Variants in TMOD2 observed in about 807,000 individuals in gnomAD.
The protein encoded by TMOD2 is tropomodulin-2.
Under a neutral mutation model 39.9 loss-of-function variants are expected in TMOD2, and 22 were observed. The observed-to-expected ratio is 0.55, with a 90% CI of 0.39 to 0.79. The LOEUF (loss-of-function observed/expected upper bound fraction) is 0.79. Ranked by LOEUF, TMOD2 falls within the 30% of genes least tolerant of loss-of-function variation. TMOD2 has a pLI of 0.00. For missense variants in TMOD2, 386 were observed against 413.3 expected (o/e 0.93, Z 0.57); for synonymous variants, 123 against 146.1 (o/e 0.84, Z 1.14).
chr15:51,757,722 C>T (rs1464593402), intron 1 of TMOD2, among the ~76,000 whole-genome samples: 1 of 152,134 alleles, frequency 6.6e-6, no homozygotes, highest in African/African-American at 2.4e-5. Flanking sequence ...GCTAACAGGA[C>T]GGAAGACAAA....
At chr15:51,759,548 A>T (rs910488871) in intron 1 of TMOD2, among the ~76,000 whole-genome samples, 3 of 152,216 alleles carry the variant, frequency 2.0e-5, no homozygotes, top group African/African-American at 7.2e-5. Context: ...GACCAAAAAG[A>T]AATGGTCAGA....
Position 51,811,922 on chromosome 15 carries a change from C to T in TMOD2, c.*3468C>T, listed in dbSNP as rs2056159058. 1.3e-5 allele frequency: 2 copies of T among 152,182 alleles called. No homozygotes were observed. The highest frequency in any genetic ancestry group is 4.1e-4 in the South Asian group (2 of 4,830). The allele number at this position is 152,182 out of a possible 1,614,324, so 9.4% of individuals were successfully genotyped here. ...TAGAAATCATTTAGTTGTTCTAGCA[C>T]CAAATCTATCCATTTGCCTAATGTA... On this transcript the variant is annotated 3_prime_UTR_variant, in exon 10 of 10. Coordinates refer to ENST00000249700, the MANE Select transcript of TMOD2 (RefSeq NM_014548.4).
intron 1 of TMOD2, among the ~76,000 whole-genome samples, chr15:51,756,153 G>A (rs927272579): frequency 2.6e-5 from 4 of 152,162 alleles, no homozygotes; most frequent in Non-Finnish European, 4.4e-5. Context: ...GAAACCAAGA[G>A]GCAGGCTGGG....
At chr15:51,788,593 G>A (rs546674606) in intron 7 of TMOD2, among the ~76,000 whole-genome samples, 77 of 152,300 alleles carry the variant, frequency 5.1e-4, no homozygotes, top group Non-Finnish European at 9.3e-4. Flanking sequence ...AGGTTGAAAT[G>A]AAGGAAAAAA....
At chr15:51,759,993 C>G (rs999716925) in intron 1 of TMOD2, among the ~76,000 whole-genome samples, 8 of 152,146 alleles carry the variant, frequency 5.3e-5, no homozygotes, top group East Asian at 1.9e-4. Context: ...GCTAGTGCCC[C>G]CTGTGGGCCA....
rs926616366 is a variant in TMOD2, at chr15:51,813,944, G to C, written c.*5490G>C. ...CATCTTTCTCATCTTTTGGAGTATG[G>C]GTAATTGAGGCTTGGGTGTGTCATC... is the stretch of plus-strand genomic sequence containing the variant. On this transcript the variant is annotated 3_prime_UTR_variant, in exon 10 of 10. Transcript: ENST00000249700. 1.3e-5 allele frequency: 2 copies of C among 152,160 alleles called. No individual in the cohort carries two copies. The highest frequency in any genetic ancestry group is 2.9e-5 in the Non-Finnish European group (2 of 68,038). The allele number at this position is 152,160 out of a possible 1,614,324, so 9.4% of individuals were successfully genotyped here. A position where few individuals can be genotyped will look rare whatever the true frequency, so the allele number is the denominator to read the frequency against.
chr15:51,801,661 C>A (rs564931596), intron 8 of TMOD2, among the ~76,000 whole-genome samples: 1 of 152,072 alleles, frequency 6.6e-6, no homozygotes, highest in Non-Finnish European at 1.5e-5. Context: ...ATGGGAAGAA[C>A]AATCGGTGAT....
At chr15:51,799,908 G>A (rs1007727774) in intron 8 of TMOD2, among the ~76,000 whole-genome samples, 19 of 152,030 alleles carry the variant, frequency 1.2e-4, no homozygotes, top group African/African-American at 4.6e-4. Context: ...CTTTGTTTAC[G>A]GATTTAGGCC....
intron 3 of TMOD2, among the ~76,000 whole-genome samples, chr15:51,772,411 C>T (rs1250904680): frequency 1.3e-5 from 2 of 152,110 alleles, no homozygotes; most frequent in Non-Finnish European, 2.9e-5. Context: ...CCCTGGTGCA[C>T]GTGTGGGATG....
At position 51,810,409 on chromosome 15, in the gene TMOD2, A is replaced by G. The variant is rs2056148593; in HGVS notation, c.*1955A>G. 1 of 152,200 alleles carries G rather than the reference A, an allele frequency of 6.6e-6. No homozygotes were observed. The highest frequency in any genetic ancestry group is 1.5e-5 in the Non-Finnish European group (1 of 68,022). 9.4% of individuals were successfully genotyped at this position (152,200 alleles called of 1,614,324 possible). A position where few individuals can be genotyped will look rare whatever the true frequency, so the allele number is the denominator to read the frequency against. ...ATCTAGTAGGTATGTATGTAGAAATATTACCAAACAGTATGCTACTGAACG... is the reference window on the plus strand; with the variant it reads ...ATCTAGTAGGTATGTATGTAGAAATGTTACCAAACAGTATGCTACTGAACG... On this transcript the variant is annotated 3_prime_UTR_variant, in exon 10 of 10. Coordinates refer to ENST00000249700, the MANE Select transcript of TMOD2 (RefSeq NM_014548.4).
At chr15:51,775,582 T>A in intron 4 of TMOD2, among the ~76,000 whole-genome samples, 1 of 133,900 alleles carries the variant, frequency 7.5e-6, no homozygotes, top group East Asian at 2.1e-4. Context: ...TTTTTTTTTT[T>A]TTTTTTTTTT....
In TMOD2 at chr15:51,787,054, G is replaced by A. The variant is rs1291498631; in HGVS notation, c.732+4226G>A. On this transcript the variant is annotated intron_variant, in intron 7 of 9. Coordinates refer to ENST00000249700, the MANE Select transcript of TMOD2 (RefSeq NM_014548.4). Reference sequence around the variant, plus strand: ...CTCACCCGGGAAGGGGTTGGGGTTGGGGGATTTCCCTTTCCTAGCCAAGAG... The same window carrying A: ...CTCACCCGGGAAGGGGTTGGGGTTGAGGGATTTCCCTTTCCTAGCCAAGAG... Among the ~76,000 whole-genome samples, 6 of 152,318 alleles carry A rather than the reference G, an allele frequency of 3.9e-5. No individual in the cohort carries two copies. In the East Asian group the frequency reaches 7.7e-4, roughly 20 times the overall value.
rs1480832409 is a variant in TMOD2, at chr15:51,814,301, A to G, written c.*5847A>G. ...AATTTTAATGCCTAGCAGCTGAGTA[A>G]CAGGCATTAGTTCTGATAGATAGTG... On this transcript the variant is annotated 3_prime_UTR_variant, in exon 10 of 10. Coordinates refer to ENST00000249700, the MANE Select transcript of TMOD2 (RefSeq NM_014548.4). 1 of 152,280 alleles carries G rather than the reference A, an allele frequency of 6.6e-6. No individual in the cohort carries two copies. Among genetic ancestry groups the G allele is most frequent in the Admixed American group, 6.5e-5 (1 of 15,290 alleles). 9.4% of individuals were successfully genotyped at this position (152,280 alleles called of 1,614,324 possible).
At chr15:51,758,810 G>A (rs966828579) in intron 1 of TMOD2, among the ~76,000 whole-genome samples, 2 of 152,302 alleles carry the variant, frequency 1.3e-5, no homozygotes, top group Admixed American at 6.5e-5. Context: ...GAGTAGGATA[G>A]CAGTCAGCCA....
intron 3 of TMOD2, 59 bp downstream of exon 3, chr15:51,768,477 C>A: frequency 6.9e-7 from 1 of 1,457,196 alleles, no homozygotes. Flanking sequence ...TTTTTTGGAA[C>A]GGAGGCACTC....
At chr15:51,776,701 A>G (rs146415976) in intron 4 of TMOD2, among the ~76,000 whole-genome samples, 1 of 152,152 alleles carries the variant, frequency 6.6e-6, no homozygotes, top group African/African-American at 2.4e-5. Context: ...TCAGATCCTA[A>G]ATGATTCTAC....
chr15:51,784,489 C>CTCCA (rs1175255829), intron 7 of TMOD2: 2 of 152,182 alleles, frequency 1.3e-5, no homozygotes, highest in African/African-American at 4.8e-5. Flanking sequence ...TGATCATAAC[C>CTCCA]TCCAACCTCT....
intron 8 of TMOD2, among the ~76,000 whole-genome samples, chr15:51,801,773 T>C (rs2056092002): frequency 6.6e-6 from 1 of 152,168 alleles, no homozygotes; most frequent in Admixed American, 6.5e-5. Context: ...TGCTTAAACA[T>C]TTGTTTCTAT....
chr15:51,794,407 C>T (rs1392853858), intron 7 of TMOD2, among the ~76,000 whole-genome samples: 1 of 152,124 alleles, frequency 6.6e-6, no homozygotes, highest in African/African-American at 2.4e-5. Context: ...TTTCATTCTT[C>T]TGGTTGTTGT....
Sources: gnomAD v4.1 joint callset for allele counts (sites outside exome capture counted in the v4.1 genomes callset) on GRCh38, gnomAD v4.1.1 for gene constraint, MANE v1.5 for transcripts, NCBI Gene and HGNC (gene_info 2026-07-23, HGNC 2026-07-21) for gene names.